Variants in SERP1 observed in about 807,000 individuals in gnomAD.
SERP1 encodes stress-associated endoplasmic reticulum protein 1.
A neutral mutation model predicts 8.8 loss-of-function variants in SERP1; 6 were observed. The observed-to-expected ratio is 0.68, with a 90% confidence interval of 0.37 to 1.35. The LOEUF (loss-of-function observed/expected upper bound fraction) is 1.35. Ranked by LOEUF, SERP1 falls within the 40% of genes most tolerant of loss-of-function variation. The pLI, the probability that SERP1 is intolerant of heterozygous loss-of-function variation, is 0.02. For synonymous variants in SERP1, 36 were observed against 28.7 expected, an observed-to-expected ratio of 1.25 and a Z score of -0.81; for missense variants, 52 against 86.2, an observed-to-expected ratio of 0.60 and a Z score of 1.57.
At chr3:150,545,351 T>C (rs1397768906) in intron 2 of SERP1, 1 of 397,040 alleles carries the variant, frequency 2.5e-6, no homozygotes, top group Non-Finnish European at 4.5e-6. Context: ...CTATAGTACA[T>C]ATTTATAATT....
In SERP1 at chr3:150,542,611, A is replaced by T. The variant is rs1033746992; in HGVS notation, c.*1847T>A. On this transcript the variant is annotated 3_prime_UTR_variant, in exon 3 of 3. Coordinates refer to ENST00000239944, the MANE Select transcript of SERP1 (RefSeq NM_014445.4). Reference sequence around the variant, plus strand: ...TCCAACCTGAATATAAACTGCACTTAATTGGTGAATTACACATGAAATACA... The same window carrying T: ...TCCAACCTGAATATAAACTGCACTTTATTGGTGAATTACACATGAAATACA... 3.9e-5 allele frequency: 6 copies of T among 152,300 alleles called. No individual in the cohort carries two copies. The highest frequency in any genetic ancestry group is 7.4e-5 in the Non-Finnish European group (5 of 67,996). 9.4% of individuals were successfully genotyped at this position (152,300 alleles called of 1,614,324 possible). A position where few individuals can be genotyped will look rare whatever the true frequency, so the allele number is the denominator to read the frequency against.
chr3:150,545,769 G>C lies in SERP1; in HGVS notation c.94C>G (p.Pro32Ala), dbSNP rs778955616. 5 of 1,606,624 alleles carry C rather than the reference G, an allele frequency of 3.1e-6. No individual in the cohort carries two copies. In the Admixed American group the frequency reaches 8.5e-5, roughly 27 times the overall value. Residue 32 changes from proline (P) to alanine (A), a missense_variant, in exon 2 of 3, where the codon CCC (proline) becomes GCC (alanine). Coordinates refer to ENST00000239944, the MANE Select transcript of SERP1 (RefSeq NM_014445.4). ...GNVAKTSRNA[P>A]EEKASVGPWL... ...GGTCCTACAGACGCCTTCTCTTCGG[G>C]GGCATTTCTCTGCAAAAGCGAAAAT...
chr3:150,545,761 C>T lies in SERP1; in HGVS notation c.102G>A (p.Glu34=). 1 of 1,608,178 alleles carries T rather than the reference C, an allele frequency of 6.2e-7. No homozygotes were observed. The highest frequency in any genetic ancestry group is 1.3e-5 in the African/African-American group (1 of 74,950). The stretch of plus-strand genomic sequence containing the variant: ...ATAACCAGGGTCCTACAGACGCCTT[C>T]TCTTCGGGGGCATTTCTCTGCAAAA... ...VAKTSRNAPE[E]KASVGPWLLA... Residue 34 remains glutamate (E), a synonymous_variant, in exon 2 of 3, where the codon GAG becomes GAA. Transcript: ENST00000239944.
intron 2 of SERP1, among the ~76,000 whole-genome samples, chr3:150,545,138 C>G (rs1316583844): frequency 1.3e-5 from 2 of 152,162 alleles, no homozygotes; most frequent in African/African-American, 4.8e-5. Flanking sequence ...GGACAGCAGG[C>G]TACCCCGACA....
chr3:150,545,879 C>T lies in SERP1; in HGVS notation c.85-101G>A, dbSNP rs984140286. On this transcript the variant is annotated intron_variant, in intron 1 of 2. Coordinates refer to ENST00000239944, the MANE Select transcript of SERP1 (RefSeq NM_014445.4). Reference sequence around the variant, plus strand: ...TCGCCGGCCCCCTCACCTCACAGGTCTCCCCTTCCGTTCCCGAGCCCCCAC... The same window carrying T: ...TCGCCGGCCCCCTCACCTCACAGGTTTCCCCTTCCGTTCCCGAGCCCCCAC... The T allele has an allele frequency of 5.1e-6, 7 of 1,376,782 alleles. No homozygotes were observed. In the African/African-American group the frequency reaches 8.7e-5, roughly 17 times the overall value. 85.3% of individuals were successfully genotyped at this position (1,376,782 alleles called of 1,614,324 possible). A position where few individuals can be genotyped will look rare whatever the true frequency, so the allele number is the denominator to read the frequency against.
Position 150,546,290 on chromosome 3 carries a change from G to T in SERP1, c.-155C>A. 1.2e-6 allele frequency: 1 copy of T among 804,764 alleles called. No individual in the cohort carries two copies. Among genetic ancestry groups the T allele is most frequent in the Non-Finnish European group, 1.9e-6 (1 of 525,762 alleles). 49.9% of individuals were successfully genotyped at this position (804,764 alleles called of 1,614,324 possible). Reference sequence around the variant, plus strand: ...CTAGCTACGGCCGCTGGGCCTGGGCGCCGCAAGCGCGAGGTCTGAGCACAA... The same window carrying T: ...CTAGCTACGGCCGCTGGGCCTGGGCTCCGCAAGCGCGAGGTCTGAGCACAA... On this transcript the variant is annotated 5_prime_UTR_variant, in exon 1 of 3. Coordinates refer to ENST00000239944, the MANE Select transcript of SERP1 (RefSeq NM_014445.4).
At position 150,543,031 on chromosome 3, in the gene SERP1, T is replaced by G. The variant is rs962601382; in HGVS notation, c.*1427A>C. 6.6e-6 allele frequency: 1 copy of G among 152,646 alleles called. No homozygotes were observed. The highest frequency in any genetic ancestry group is 1.5e-5 in the Non-Finnish European group (1 of 68,024). The allele number at this position is 152,646 out of a possible 1,614,324, so 9.5% of individuals were successfully genotyped here. On this transcript the variant is annotated 3_prime_UTR_variant, in exon 3 of 3. Coordinates refer to ENST00000239944, the MANE Select transcript of SERP1 (RefSeq NM_014445.4). ...CACTCTGCTCCCTTACTGTTCTCCA[T>G]GTTTGAGGGTATCAGAAGCCCCCTG... is the stretch of plus-strand genomic sequence containing the variant.
At chr3:150,545,800 A>G (rs1408891789) in intron 1 of SERP1, 22 bp from the exon 2 acceptor site, 2 of 1,593,126 alleles carry the variant, frequency 1.3e-6, no homozygotes, top group Non-Finnish European at 1.7e-6. Flanking sequence ...AAAATCCACC[A>G]TTTCAGATGC....
At position 150,542,232 on chromosome 3, in the gene SERP1, T is replaced by C. The variant is rs1722890064; in HGVS notation, c.*2226A>G. ...ATACTGTGCTCAACATTAGATGATC[T>C]ATAAAATTCAACTGGCAAAGGGAGA... On this transcript the variant is annotated 3_prime_UTR_variant, in exon 3 of 3. Transcript: ENST00000239944. 1.3e-5 allele frequency: 2 copies of C among 152,246 alleles called. No homozygotes were observed. Among genetic ancestry groups the C allele is most frequent in the African/African-American group, 4.8e-5 (2 of 41,478 alleles). The allele number at this position is 152,246 out of a possible 1,614,324, so 9.4% of individuals were successfully genotyped here. A position where few individuals can be genotyped will look rare whatever the true frequency, so the allele number is the denominator to read the frequency against.
At chr3:150,545,149 C>T (rs1470145205) in intron 2 of SERP1, among the ~76,000 whole-genome samples, 5 of 151,548 alleles carry the variant, frequency 3.3e-5, no homozygotes, top group Admixed American at 2.0e-4. Context: ...TACCCCGACA[C>T]TTTTTTTTTA....
chr3:150,545,978 A>G, intron 1 of SERP1, 74 bp downstream of exon 1: 1 of 1,586,068 alleles, frequency 6.3e-7, no homozygotes, highest in East Asian at 2.2e-5. Context: ...TCCGGGAGAA[A>G]ACGCGACGCG....
Position 150,545,857 on chromosome 3 carries a change from C to G in SERP1, c.85-79G>C. 2.7e-6 allele frequency: 4 copies of G among 1,455,742 alleles called. No homozygotes were observed. The South Asian group carries it at 5.1e-5, about 18-fold the overall frequency. The allele number at this position is 1,455,742 out of a possible 1,614,324, so 90.2% of individuals were successfully genotyped here. Reference sequence around the variant, plus strand: ...GGCTCCCACGCCTGCACGCCGGTCGCCGGCCCCCTCACCTCACAGGTCTCC... The same window carrying G: ...GGCTCCCACGCCTGCACGCCGGTCGGCGGCCCCCTCACCTCACAGGTCTCC... On this transcript the variant is annotated intron_variant, in intron 1 of 2. Transcript: ENST00000239944.
rs963873756 is a variant in SERP1, at chr3:150,543,709, C to T, written c.*749G>A. The T allele has an allele frequency of 1.3e-5, 2 of 152,366 alleles. No individual in the cohort carries two copies. The highest frequency in any genetic ancestry group is 2.1e-4 in the South Asian group (1 of 4,832). 9.4% of individuals were successfully genotyped at this position (152,366 alleles called of 1,614,324 possible). A position where few individuals can be genotyped will look rare whatever the true frequency, so the allele number is the denominator to read the frequency against. On this transcript the variant is annotated 3_prime_UTR_variant, in exon 3 of 3. Transcript: ENST00000239944. ...TAAACAAACCTTCCCTGACTGACTT[C>T]ACTCCACCACGGTAGCTTTTAGTGA...
At chr3:150,545,363 T>G in intron 2 of SERP1, 1 of 412,966 alleles carries the variant, frequency 2.4e-6, no homozygotes, top group Non-Finnish European at 4.3e-6. Context: ...TTTATAATTT[T>G]CTTTGCAAAG....
At chr3:150,545,500 TAA>T (rs1722967813) in intron 2 of SERP1, 1 of 573,602 alleles carries the variant, frequency 1.7e-6, no homozygotes, top group Non-Finnish European at 3.1e-6. Flanking sequence ...GAGTACAAAT[TAA>T]GCTGGGAGAA....
In SERP1 at chr3:150,545,749, T is replaced by C. The variant is rs547860555; in HGVS notation, c.114A>G (p.Val38=). The change falls in exon 2 of 3, where the codon GTA becomes GTG. Residue 38 remains valine (V), a synonymous_variant. Transcript: ENST00000239944. The part of the protein sequence containing the change: ...SRNAPEEKAS[V]GPWLLALFIF... ...TGAAGAGAGCCAATAACCAGGGTCC[T>C]ACAGACGCCTTCTCTTCGGGGGCAT... is the stretch of plus-strand genomic sequence containing the variant. 6.2e-7 allele frequency: 1 copy of C among 1,609,360 alleles called. No individual in the cohort carries two copies. Among genetic ancestry groups the C allele is most frequent in the East Asian group, 2.2e-5 (1 of 44,840 alleles).
intron 2 of SERP1, among the ~76,000 whole-genome samples, chr3:150,544,803 T>C (rs554320133): frequency 1.3e-5 from 2 of 152,354 alleles, no homozygotes; most frequent in East Asian, 3.9e-4. Context: ...TTTTCCAGCA[T>C]AGAATTATTT....
At position 150,546,115 on chromosome 3, in the gene SERP1, G is replaced by A. The variant is rs776475809; in HGVS notation, c.21C>T (p.Ile7=). The A allele has an allele frequency of 4.3e-6, 7 of 1,613,542 alleles. No homozygotes were observed. The highest frequency in any genetic ancestry group is 5.9e-6 in the Non-Finnish European group (7 of 1,179,880). The part of the protein sequence containing the change: MVAKQR[I]RMANEKHSKN... ...TGCTGTGCTTCTCGTTGGCCATACG[G>A]ATCCTTTGCTTGGCGACCATCTTCG... The change falls in exon 1 of 3, where the codon ATC becomes ATT. Residue 7 remains isoleucine, a synonymous_variant. Transcript: ENST00000239944.
chr3:150,543,817 T>A lies in SERP1; in HGVS notation c.*641A>T, dbSNP rs1722925718. 6.6e-6 allele frequency: 1 copy of A among 152,066 alleles called. No homozygotes were observed. The highest frequency in any genetic ancestry group is 2.1e-4 in the South Asian group (1 of 4,828). The allele number at this position is 152,066 out of a possible 1,614,324, so 9.4% of individuals were successfully genotyped here. ...GGTTACTATACTCACTCATGCAAAA[T>A]CCAAGGTAGTGTAATGGAAACAATA... On this transcript the variant is annotated 3_prime_UTR_variant, in exon 3 of 3. Transcript: ENST00000239944.
Sources: allele counts gnomAD v4.1 joint callset (sites outside exome capture counted in the v4.1 genomes callset), GRCh38; gene constraint gnomAD v4.1.1; transcripts MANE v1.5; gene names NCBI Gene and HGNC (gene_info 2026-07-23, HGNC 2026-07-21).